STAG1: variants seen among roughly 807,000 people sequenced by gnomAD.
STAG1 encodes the protein cohesin subunit SA-1.
Under a neutral mutation model 170.9 loss-of-function variants are expected in STAG1, and 26 were observed. The observed-to-expected ratio is 0.15, with a 90% CI of 0.11 to 0.21. STAG1 has a LOEUF of 0.21. Ranked by LOEUF, STAG1 falls within the 10% of genes least tolerant of loss-of-function variation. STAG1 has a pLI of 1.00. For missense variants in STAG1, 964 were observed against 1,509.5 expected (o/e 0.64, Z 5.99); for synonymous variants, 514 against 497.7 (o/e 1.03, Z -0.44).
chr3:136,576,666 G>A (rs1937470362), intron 4 of STAG1, among the ~76,000 whole-genome samples: 2 of 152,154 alleles, frequency 1.3e-5, no homozygotes, highest in Non-Finnish European at 2.9e-5. Flanking sequence ...GAAAAGAGCA[G>A]TCAATATGGT....
intron 28 of STAG1, among the ~76,000 whole-genome samples, chr3:136,350,459 TA>T (rs769814053): frequency 2.0e-5 from 3 of 152,096 alleles, no homozygotes; most frequent in Non-Finnish European, 4.4e-5. Context: ...ACTCCTGGGG[TA>T]AAACACTACC....
At chr3:136,541,361 C>A (rs1274722791) in intron 6 of STAG1, among the ~76,000 whole-genome samples, 6 of 152,014 alleles carry the variant, frequency 3.9e-5, no homozygotes, top group African/African-American at 1.4e-4. Context: ...AAATACAATA[C>A]AGAAATAAAA....
chr3:136,412,438 A>G lies in STAG1; in HGVS notation c.2196+5447T>C, dbSNP rs183894995. 3.3e-5 allele frequency among the ~76,000 whole-genome samples: 5 copies of G among 152,362 alleles called. No homozygotes were observed. In the East Asian group the frequency reaches 9.6e-4, roughly 29 times the overall value. On this transcript the variant is annotated intron_variant, in intron 21 of 33. Transcript: ENST00000383202. ...GTCTGATAAGAAACAGGATTATTAC[A>G]TAGTTTTAAAGAATACGTCTACAGC... is the stretch of plus-strand genomic sequence containing the variant.
chr3:136,443,121 G>A (rs2088679915), intron 15 of STAG1, among the ~76,000 whole-genome samples, 166 bp downstream of exon 15: 1 of 152,176 alleles, frequency 6.6e-6, no homozygotes, highest in Non-Finnish European at 1.5e-5. Flanking sequence ...AAACATGTTA[G>A]AAACGATTGA....
At chr3:136,530,451 G>C (rs1001190051) in intron 6 of STAG1, among the ~76,000 whole-genome samples, 1 of 152,098 alleles carries the variant, frequency 6.6e-6, no homozygotes, top group African/African-American at 2.4e-5. Context: ...GTGCGTTCAG[G>C]GTGGTATGGC....
intron 1 of STAG1, among the ~76,000 whole-genome samples, chr3:136,718,265 A>C (rs914866227): frequency 2.0e-5 from 3 of 152,202 alleles, no homozygotes; most frequent in Non-Finnish European, 2.9e-5. Context: ...TAGATGAAAC[A>C]AAACTGGAAT....
Position 136,486,999 on chromosome 3 carries a change from C to CAA in STAG1, c.903-9589_903-9588dup, listed in dbSNP as rs536392595. Among the ~76,000 whole-genome samples, 37 of 54,658 alleles carry CAA rather than the reference C, an allele frequency of 6.8e-4. 2 individuals carry two copies. Among genetic ancestry groups the CAA allele is most frequent in the African/African-American group, 2.9e-3 (32 of 10,888 alleles). The allele number at this position is 54,658 out of a possible 152,430, so 35.9% of individuals were successfully genotyped here. A position where few individuals can be genotyped will look rare whatever the true frequency, so the allele number is the denominator to read the frequency against. ...CAATGCCGATTTTTTTTTATTTCTT[C>CAA]AAAAAAAAAAAAAAAAAAAAAAAAA... On this transcript the variant is annotated intron_variant, in intron 9 of 33. Transcript: ENST00000383202.
In STAG1 at chr3:136,734,718, T is replaced by G. The variant is rs541950262; in HGVS notation, c.-84+17477A>C. Among the ~76,000 whole-genome samples the G allele has an allele frequency of 1.4e-4, 22 of 152,310 alleles. 2 individuals are homozygous for G. The South Asian group carries it at 4.1e-3, about 29-fold the overall frequency. ...TGTTGCTTTAGGGGTGTTTTTTGTT[T>G]TGTTTTTAATCTCTCTCAACAGAAT... On this transcript the variant is annotated intron_variant, in intron 1 of 33. Coordinates refer to ENST00000383202, the MANE Select transcript of STAG1 (RefSeq NM_005862.3).
chr3:136,455,512 C>G (rs964329420), intron 13 of STAG1, among the ~76,000 whole-genome samples: 13 of 152,210 alleles, frequency 8.5e-5, no homozygotes, highest in African/African-American at 1.4e-4. Context: ...TTCCATCCCA[C>G]GGAACCACTG....
At position 136,340,578 on chromosome 3, in the gene STAG1, C is replaced by G; in HGVS notation, c.3585G>C (p.Glu1195Asp). ...ACATCATCACATCTTCAAAGATGGG[C>G]TCAGCATCTTCCTCCATTAGACCCC... is the stretch of plus-strand genomic sequence containing the variant. ...AVRGLMEEDA[E>D]PIFEDVMMSS... The change falls in exon 32 of 34, where the codon GAG (glutamate) becomes GAC (aspartate). Residue 1195 changes from glutamate to aspartate, a missense_variant. Coordinates refer to ENST00000383202, the MANE Select transcript of STAG1 (RefSeq NM_005862.3). The G allele has an allele frequency of 6.2e-7, 1 of 1,613,406 alleles. No individual in the cohort carries two copies. Among genetic ancestry groups the G allele is most frequent in the East Asian group, 2.2e-5 (1 of 44,866 alleles).
At chr3:136,716,801 C>G (rs1197407177) in intron 1 of STAG1, among the ~76,000 whole-genome samples, 1 of 152,176 alleles carries the variant, frequency 6.6e-6, no homozygotes, top group Non-Finnish European at 1.5e-5. Context: ...GAAAGTATAC[C>G]ATGGTGGTAA....
intron 11 of STAG1, 40 bp from the exon 12 acceptor site, chr3:136,472,532 G>A (rs764498651): frequency 1.4e-6 from 2 of 1,407,924 alleles, no homozygotes; most frequent in Admixed American, 3.4e-5. Context: ...ACTATGAACA[G>A]AAAATAAGCT....
At chr3:136,612,016 T>C (rs1398304016) in intron 3 of STAG1, among the ~76,000 whole-genome samples, 2 of 151,648 alleles carry the variant, frequency 1.3e-5, no homozygotes, top group Non-Finnish European at 2.9e-5. Flanking sequence ...CCCAGCTAAG[T>C]TTTTGTATTT....
chr3:136,655,350 T>TA (rs1446368208), intron 1 of STAG1, among the ~76,000 whole-genome samples: 7 of 152,226 alleles, frequency 4.6e-5, no homozygotes, highest in Non-Finnish European at 8.8e-5. Flanking sequence ...CCAAAGAAAA[T>TA]ACACGAATGG....
At chr3:136,542,233 A>C (rs772412946) in intron 5 of STAG1, 38 bp from the exon 6 acceptor site, 14 of 1,472,316 alleles carry the variant, frequency 9.5e-6, no homozygotes, top group Non-Finnish European at 3.8e-6. Flanking sequence ...CTTTCAATTA[A>C]TCTTTCAGAT....
chr3:136,420,208 C>T (rs910655185), intron 20 of STAG1, among the ~76,000 whole-genome samples: 6 of 132,530 alleles, frequency 4.5e-5, no homozygotes, highest in Admixed American at 1.7e-4. Flanking sequence ...GATCGGGCCA[C>T]TACATTCCAG....
Position 136,544,061 on chromosome 3 carries a change from A to G in STAG1, c.395-1866T>C, listed in dbSNP as rs148379521. Among the ~76,000 whole-genome samples, 104 of 152,302 alleles carry G rather than the reference A, an allele frequency of 6.8e-4. No individual in the cohort carries two copies. The East Asian group carries it at 0.019, about 28-fold the overall frequency. On this transcript the variant is annotated intron_variant, in intron 5 of 33. Coordinates refer to ENST00000383202, the MANE Select transcript of STAG1 (RefSeq NM_005862.3). Reference sequence around the variant, plus strand: ...TCCCAAAACCAGGGAAAGTAATTCCAGAGGTTTTCCCATCACCTAGACCTA... The same window carrying G: ...TCCCAAAACCAGGGAAAGTAATTCCGGAGGTTTTCCCATCACCTAGACCTA...
chr3:136,721,842 T>C (rs1933294700), intron 1 of STAG1, among the ~76,000 whole-genome samples: 1 of 151,424 alleles, frequency 6.6e-6, no homozygotes, highest in Admixed American at 6.6e-5. Flanking sequence ...AAGAATGGCA[T>C]GAACCCGGGA....
At chr3:136,430,818 C>G (rs1041548332) in intron 16 of STAG1, among the ~76,000 whole-genome samples, 1 of 125,812 alleles carries the variant, frequency 7.9e-6, no homozygotes. Context: ...CACACACACA[C>G]ACACACACAC....
Sources: gnomAD v4.1 joint callset for allele counts (sites outside exome capture counted in the v4.1 genomes callset) on GRCh38, gnomAD v4.1.1 for gene constraint, MANE v1.5 for transcripts, NCBI Gene and HGNC (gene_info 2026-07-23, HGNC 2026-07-21) for gene names.